Variants in RUNDC3B observed in about 807,000 individuals in gnomAD.
RUNDC3B encodes the protein RUN domain containing 3B.
Under a neutral mutation model 58.4 loss-of-function variants are expected in RUNDC3B, and 33 were observed. That is an observed-to-expected ratio of 0.56 (90% CI 0.43 to 0.75). The LOEUF (loss-of-function observed/expected upper bound fraction) is 0.75, where lower values mean the gene tolerates loss of function less well. Among genes scored for constraint, RUNDC3B ranks in the 30% least tolerant of loss-of-function variants. The pLI is 0.00. For missense variants in RUNDC3B, 501 were observed against 535.7 expected (o/e 0.94, Z 0.64); for synonymous variants, 193 against 195.2 (o/e 0.99, Z 0.10).
At chr7:87,720,487 C>T (rs1204478227) in intron 4 of RUNDC3B, among the ~76,000 whole-genome samples, 1 of 150,422 alleles carries the variant, frequency 6.6e-6, no homozygotes, top group East Asian at 2.0e-4. Flanking sequence ...AATTTCACTT[C>T]CACAAATCTA....
chr7:87,771,073 C>G (rs933218978), intron 7 of RUNDC3B, among the ~76,000 whole-genome samples: 1 of 152,104 alleles, frequency 6.6e-6, no homozygotes, highest in Admixed American at 6.5e-5. Context: ...TGCCTAAGCA[C>G]GTACATCTGA....
At chr7:87,751,824 G>A (rs945804130) in intron 6 of RUNDC3B, among the ~76,000 whole-genome samples, 2 of 152,034 alleles carry the variant, frequency 1.3e-5, no homozygotes, top group African/African-American at 4.8e-5. Flanking sequence ...CTGCAAACAG[G>A]GACAATTTGA....
At chr7:87,644,788 A>T (rs1035644121) in intron 1 of RUNDC3B, among the ~76,000 whole-genome samples, 1 of 151,988 alleles carries the variant, frequency 6.6e-6, no homozygotes, top group South Asian at 2.1e-4. Context: ...AATGCAGAAC[A>T]TTAAATATTA....
intron 2 of RUNDC3B, among the ~76,000 whole-genome samples, chr7:87,695,529 C>T (rs1027580658): frequency 3.9e-5 from 6 of 151,962 alleles, no homozygotes; most frequent in Non-Finnish European, 8.8e-5. Context: ...ATTATCTTGT[C>T]TTTTGTTGAT....
At position 87,830,321 on chromosome 7, in the gene RUNDC3B, A is replaced by G. The variant is rs1838065257; in HGVS notation, c.*291A>G. 1 of 193,402 alleles carries G rather than the reference A, an allele frequency of 5.2e-6. No individual in the cohort carries two copies. The highest frequency in any genetic ancestry group is 1.0e-5 in the Non-Finnish European group (1 of 96,602). 12.0% of individuals were successfully genotyped at this position (193,402 alleles called of 1,614,324 possible). On this transcript the variant is annotated 3_prime_UTR_variant, in exon 11 of 11. Coordinates refer to ENST00000394654, the MANE Select transcript of RUNDC3B (RefSeq NM_001134405.2). The stretch of plus-strand genomic sequence containing the variant: ...AAATCATTCATAGCAAATTGTACAT[A>G]TTGTTCAGCTGATTTTTATATATTT...
chr7:87,638,234 ATATT>A (rs1822014642), intron 1 of RUNDC3B, among the ~76,000 whole-genome samples: 1 of 152,024 alleles, frequency 6.6e-6, no homozygotes, highest in South Asian at 2.1e-4. Context: ...GGATTTTTGC[ATATT>A]TATTCATGGT....
At chr7:87,794,174 C>G (rs964305419) in intron 8 of RUNDC3B, among the ~76,000 whole-genome samples, 1 of 152,166 alleles carries the variant, frequency 6.6e-6, no homozygotes, top group Non-Finnish European at 1.5e-5. Flanking sequence ...CAGTGGCTCA[C>G]GCCTGTAATC....
At chr7:87,815,601 A>G (rs1427088661) in intron 9 of RUNDC3B, among the ~76,000 whole-genome samples, 5 of 152,134 alleles carry the variant, frequency 3.3e-5, no homozygotes, top group Non-Finnish European at 7.4e-5. Context: ...GTCTTGATGT[A>G]TATTAATACA....
chr7:87,761,307 T>C (rs2130853945), intron 6 of RUNDC3B, among the ~76,000 whole-genome samples: 1 of 151,942 alleles, frequency 6.6e-6, no homozygotes, highest in Admixed American at 6.6e-5. Flanking sequence ...GATAGCTATA[T>C]CCAAAATCAA....
intron 1 of RUNDC3B, among the ~76,000 whole-genome samples, chr7:87,640,851 T>A (rs1032240151): frequency 6.6e-6 from 1 of 152,154 alleles, no homozygotes; most frequent in Non-Finnish European, 1.5e-5. Flanking sequence ...TAATTTCAGG[T>A]AGTTCCAGAA....
intron 1 of RUNDC3B, among the ~76,000 whole-genome samples, chr7:87,642,519 C>T (rs997395811): frequency 6.6e-6 from 1 of 152,014 alleles, no homozygotes; most frequent in African/African-American, 2.4e-5. Flanking sequence ...GGAGTTCTTT[C>T]ATATGAGATT....
At chr7:87,773,773 G>A (rs1402230299) in intron 7 of RUNDC3B, among the ~76,000 whole-genome samples, 2 of 152,046 alleles carry the variant, frequency 1.3e-5, no homozygotes, top group African/African-American at 2.4e-5. Flanking sequence ...CACCTCCTGG[G>A]TTCAAGTGAT....
At position 87,715,345 on chromosome 7, in the gene RUNDC3B, A is replaced by T. The variant is rs866882642; in HGVS notation, c.458+4690A>T. Among the ~76,000 whole-genome samples the T allele has an allele frequency of 8.4e-4, 101 of 119,712 alleles. 2 individuals are homozygous for T. The highest frequency in any genetic ancestry group is 3.3e-3 in the African/African-American group (95 of 28,548). 78.5% of individuals were successfully genotyped at this position (119,712 alleles called of 152,430 possible). A position where few individuals can be genotyped will look rare whatever the true frequency, so the allele number is the denominator to read the frequency against. On this transcript the variant is annotated intron_variant, in intron 4 of 10. Transcript: ENST00000394654. The stretch of plus-strand genomic sequence containing the variant: ...AATAATTATATATAATTAATTTATA[A>T]TAATTATATATAATTAATTTATAAT...
chr7:87,682,760 C>A (rs868574785), intron 2 of RUNDC3B, among the ~76,000 whole-genome samples: 1 of 152,122 alleles, frequency 6.6e-6, no homozygotes, highest in Admixed American at 6.6e-5. Context: ...TTCTTAAATA[C>A]CCTAGGATTT....
In RUNDC3B at chr7:87,739,669, T is replaced by A. The variant is rs559545067; in HGVS notation, c.459-122T>A. 352 of 424,070 alleles carry A rather than the reference T, an allele frequency of 8.3e-4. 5 individuals carry two copies. The South Asian group carries it at 0.015, about 19-fold the overall frequency. 26.3% of individuals were successfully genotyped at this position (424,070 alleles called of 1,614,324 possible). A position where few individuals can be genotyped will look rare whatever the true frequency, so the allele number is the denominator to read the frequency against. On this transcript the variant is annotated intron_variant, in intron 4 of 10. Transcript: ENST00000394654. Reference sequence around the variant, plus strand: ...TTCAGTGATGGAAATATGTTTTTTTTAAAAATACAAATTAAATAAAATTTA... The same window carrying A: ...TTCAGTGATGGAAATATGTTTTTTTAAAAAATACAAATTAAATAAAATTTA...
At chr7:87,812,551 G>A (rs1204513521) in intron 9 of RUNDC3B, among the ~76,000 whole-genome samples, 2 of 152,192 alleles carry the variant, frequency 1.3e-5, no homozygotes, top group African/African-American at 4.8e-5. Flanking sequence ...AGAGGTTGCA[G>A]TGAACCAAGA....
chr7:87,728,623 C>G (rs1325040237), intron 4 of RUNDC3B, among the ~76,000 whole-genome samples: 5 of 152,178 alleles, frequency 3.3e-5, no homozygotes, highest in Non-Finnish European at 7.3e-5. Flanking sequence ...GATCCTCTCA[C>G]TTCTCTCTGG....
At position 87,695,513 on chromosome 7, in the gene RUNDC3B, G is replaced by A. The variant is rs139187369; in HGVS notation, c.239-4908G>A. Among the ~76,000 whole-genome samples, 279 of 152,108 alleles carry A rather than the reference G, an allele frequency of 1.8e-3. 1 individual carries two copies. Among genetic ancestry groups the A allele is most frequent in the Non-Finnish European group, 2.7e-3 (183 of 67,904 alleles). On this transcript the variant is annotated intron_variant, in intron 2 of 10. Transcript: ENST00000394654. ...ACATCAGAGTGGTTTATTAAAATGT[G>A]GTAGGATTATCTTGTCTTTTGTTGA... is the stretch of plus-strand genomic sequence containing the variant.
rs561599111 is a variant in RUNDC3B, at chr7:87,820,337, GGAA to G, written c.1225+4080_1225+4082del. Among the ~76,000 whole-genome samples, 1,300 of 152,274 alleles carry G rather than the reference GGAA, an allele frequency of 8.5e-3. 14 individuals carry two copies. The highest frequency in any genetic ancestry group is 0.03 in the African/African-American group (1,245 of 41,538). On this transcript the variant is annotated intron_variant, in intron 10 of 10. Transcript: ENST00000394654. Reference sequence around the variant, plus strand: ...CATACACCATCCCATGACTAAACCAGGAAGAAGTTTAATCTCTGAATAGACCAA... The same window carrying G: ...CATACACCATCCCATGACTAAACCAGGAAGTTTAATCTCTGAATAGACCAA...
Sources: gnomAD v4.1 joint callset for allele counts (sites outside exome capture counted in the v4.1 genomes callset) on GRCh38, gnomAD v4.1.1 for gene constraint, MANE v1.5 for transcripts, NCBI Gene and HGNC (gene_info 2026-07-23, HGNC 2026-07-21) for gene names.